Variants in FSTL4 observed in about 807,000 individuals in gnomAD.
FSTL4 encodes follistatin-related protein 4.
In FSTL4, 28 loss-of-function variants were observed where a neutral mutation model predicts 78.2. The ratio of observed to expected loss-of-function variants is 0.36; its 90% CI spans 0.27 to 0.49. The LOEUF (loss-of-function observed/expected upper bound fraction) is 0.49, where lower values mean the gene tolerates loss of function less well. FSTL4 is among the 20% of genes least tolerant of loss of function. The pLI is 0.98. For synonymous variants in FSTL4, 422 were observed against 440.5 expected (o/e 0.96, Z 0.53); for missense variants, 922 against 1,084.9 (o/e 0.85, Z 2.11).
At chr5:133,535,013 C>G (rs983772971) in intron 3 of FSTL4, among the ~76,000 whole-genome samples, 4 of 152,188 alleles carry the variant, frequency 2.6e-5, no homozygotes, top group Admixed American at 6.5e-5. Flanking sequence ...GGCATTAAGA[C>G]TTTCAAGAAG....
At chr5:133,704,632 C>G in the FSTL4 span, among the ~76,000 whole-genome samples, 1 of 152,242 alleles carries the variant, frequency 6.6e-6, no homozygotes, top group Non-Finnish European at 1.5e-5. Flanking sequence ...TTCAAATTTA[C>G]AGCAGCTCAA....
At chr5:133,286,420 C>T (rs1753130312) in intron 6 of FSTL4, among the ~76,000 whole-genome samples, 1 of 152,190 alleles carries the variant, frequency 6.6e-6, no homozygotes, top group Non-Finnish European at 1.5e-5. Context: ...TGCAATGAGA[C>T]CTAACTTTTT....
intron 4 of FSTL4, among the ~76,000 whole-genome samples, chr5:133,379,176 GATA>G (rs1342061835): frequency 6.6e-6 from 1 of 151,834 alleles, no homozygotes; most frequent in African/African-American, 2.4e-5. Flanking sequence ...TATATAAACA[GATA>G]ATAATAAAAG....
the FSTL4 span, among the ~76,000 whole-genome samples, chr5:133,776,085 A>G: frequency 6.6e-6 from 1 of 152,122 alleles, no homozygotes; most frequent in Admixed American, 6.5e-5. Flanking sequence ...AGAGTAGAGC[A>G]GGGGCTGAAC....
At chr5:133,454,364 G>A (rs1163986789) in intron 3 of FSTL4, among the ~76,000 whole-genome samples, 1 of 152,156 alleles carries the variant, frequency 6.6e-6, no homozygotes, top group African/African-American at 2.4e-5. Context: ...AATGAAACTT[G>A]GCAAGGAAAT....
Position 133,317,638 on chromosome 5 carries a change from T to TA in FSTL4, c.410-987dup, listed in dbSNP as rs546778878. 1.2e-4 allele frequency among the ~76,000 whole-genome samples: 19 copies of TA among 152,302 alleles called. No individual in the cohort carries two copies. The East Asian group carries it at 3.7e-3, about 29-fold the overall frequency. ...TTGGAGAGTCAATAGAAAGAAGTGT[T>TA]AGAGAGCATGAGCTCTGAGGTCCCC... On this transcript the variant is annotated intron_variant, in intron 4 of 15. Coordinates refer to ENST00000265342, the MANE Select transcript of FSTL4 (RefSeq NM_015082.2).
intron 4 of FSTL4, among the ~76,000 whole-genome samples, chr5:133,377,478 C>G (rs574863227): frequency 2.0e-5 from 3 of 152,182 alleles, no homozygotes; most frequent in Non-Finnish European, 4.4e-5. Context: ...GAATTTGGAA[C>G]AGAGTATGAG....
chr5:133,231,370 A>G (rs529838403), intron 8 of FSTL4, among the ~76,000 whole-genome samples: 1 of 152,060 alleles, frequency 6.6e-6, no homozygotes, highest in South Asian at 2.1e-4. Context: ...GGGAGGGTCT[A>G]CGTGGGTGTG....
intron 11 of FSTL4, among the ~76,000 whole-genome samples, chr5:133,221,611 CT>C: frequency 6.6e-6 from 1 of 152,264 alleles, no homozygotes; most frequent in Middle Eastern, 3.4e-3. Context: ...GGGAAAGGGA[CT>C]TGTCTGAGGC....
the FSTL4 span, among the ~76,000 whole-genome samples, chr5:133,656,596 C>A: frequency 6.6e-6 from 1 of 152,070 alleles, no homozygotes; most frequent in African/African-American, 2.4e-5. Context: ...TCAAGTCTCA[C>A]AGGAGAGAAC....
intron 3 of FSTL4, among the ~76,000 whole-genome samples, chr5:133,464,806 C>T (rs867028599): frequency 6.6e-6 from 1 of 152,306 alleles, no homozygotes; most frequent in African/African-American, 2.4e-5. Flanking sequence ...TGTTTTCATA[C>T]TTTTTATGTA....
At chr5:133,461,955 G>A (rs1757603300) in intron 3 of FSTL4, among the ~76,000 whole-genome samples, 1 of 152,182 alleles carries the variant, frequency 6.6e-6, no homozygotes. Flanking sequence ...GCCTATGCAG[G>A]TTTAGAGGAA....
At chr5:133,796,609 C>T in the FSTL4 span, among the ~76,000 whole-genome samples, 1 of 152,068 alleles carries the variant, frequency 6.6e-6, no homozygotes. Flanking sequence ...CCCAACCAAA[C>T]TCCCCTTGGC....
At chr5:133,713,935 C>T in the FSTL4 span, among the ~76,000 whole-genome samples, 26,782 of 152,070 alleles carry the variant, frequency 0.18, 2,628 homozygotes, top group African/African-American at 0.25. Flanking sequence ...GGAGCCCGGA[C>T]GCTGAACCCT....
At chr5:133,811,255 C>T in the FSTL4 span, among the ~76,000 whole-genome samples, 10 of 152,198 alleles carry the variant, frequency 6.6e-5, no homozygotes, top group African/African-American at 2.2e-4. Context: ...CTTTCCTCTT[C>T]ACCACTTCCC....
chr5:133,793,604 C>T, the FSTL4 span, among the ~76,000 whole-genome samples: 1 of 152,236 alleles, frequency 6.6e-6, no homozygotes, highest in Non-Finnish European at 1.5e-5. Context: ...CCAGAAGCTA[C>T]CTGACCTGAT....
At chr5:133,341,456 G>C (rs1362439396) in intron 4 of FSTL4, among the ~76,000 whole-genome samples, 1 of 152,036 alleles carries the variant, frequency 6.6e-6, no homozygotes, top group African/African-American at 2.4e-5. Context: ...CATTTCCCTT[G>C]CACGTGGTCC....
chr5:133,621,617 G>A, the FSTL4 span, among the ~76,000 whole-genome samples: 63 of 152,076 alleles, frequency 4.1e-4, 1 homozygote, highest in African/African-American at 1.4e-3. Context: ...GTTGGGAGCG[G>A]GTGAGGGATA....
In FSTL4 at chr5:133,329,904, C is replaced by G. The variant is rs554406157; in HGVS notation, c.410-13252G>C. 1.8e-3 allele frequency among the ~76,000 whole-genome samples: 267 copies of G among 152,338 alleles called. 1 individual carries two copies. Among genetic ancestry groups the G allele is most frequent in the African/African-American group, 6.2e-3 (259 of 41,574 alleles). On this transcript the variant is annotated intron_variant, in intron 4 of 15. Coordinates refer to ENST00000265342, the MANE Select transcript of FSTL4 (RefSeq NM_015082.2). ...CTTGAGCCTAGAATCTAATGTGTTA[C>G]ACGACATTCACCCCCTTTGCCCCGG...
Sources: gnomAD v4.1 joint callset for allele counts (sites outside exome capture counted in the v4.1 genomes callset) on GRCh38, gnomAD v4.1.1 for gene constraint, MANE v1.5 for transcripts, NCBI Gene and HGNC (gene_info 2026-07-23, HGNC 2026-07-21) for gene names.